The following UBE3C variants were observed in gnomAD, a reference collection of about 807,000 sequenced individuals.
UBE3C encodes ubiquitin-protein ligase E3C.
A neutral mutation model predicts 129.4 loss-of-function variants in UBE3C; 42 were observed. That is an observed-to-expected ratio of 0.32 (90% CI 0.25 to 0.42). UBE3C has a LOEUF of 0.42. Among genes scored for constraint, UBE3C ranks in the 10% least tolerant of loss-of-function variants. The probability of loss-of-function intolerance (pLI) is 1.00; values close to 1 mark genes in which losing one functional copy is unlikely to be tolerated. For missense variants in UBE3C, 1,049 were observed against 1,319.1 expected (o/e 0.80, Z 3.17); for synonymous variants, 510 against 492.4 (o/e 1.04, Z -0.47).
intron 1 of UBE3C, among the ~76,000 whole-genome samples, chr7:157,158,050 CTTTTTTTTTTTTT>C (rs60257662): frequency 2.0e-5 from 2 of 101,122 alleles, no homozygotes; most frequent in South Asian, 3.6e-4. Flanking sequence ...CTCTTTTTTC[CTTTTTTTTTTTTT>C]TTTTTTTTTC....
chr7:157,262,374 A>G lies in UBE3C; in HGVS notation c.3082-5211A>G, dbSNP rs114755897. On this transcript the variant is annotated intron_variant, in intron 22 of 22. Transcript: ENST00000348165. ...TTTAACAGTAAAGAGACCTACAAAGATCAGTAATAAGAATCATGTAAGTCT... is the reference window on the plus strand; with the variant it reads ...TTTAACAGTAAAGAGACCTACAAAGGTCAGTAATAAGAATCATGTAAGTCT... 4.4e-3 allele frequency among the ~76,000 whole-genome samples: 642 copies of G among 144,706 alleles called. 5 individuals carry two copies. Among genetic ancestry groups the G allele is most frequent in the African/African-American group, 0.015 (603 of 39,826 alleles). The allele number at this position is 144,706 out of a possible 152,430, so 94.9% of individuals were successfully genotyped here.
At chr7:157,170,955 T>TCCC (rs1808351576) in intron 4 of UBE3C, among the ~76,000 whole-genome samples, 1 of 151,540 alleles carries the variant, frequency 6.6e-6, no homozygotes, top group African/African-American at 2.4e-5. Flanking sequence ...TACAGGTGTG[T>TCCC]GTACACCTTG....
In UBE3C at chr7:157,245,057, AAATTT is replaced by A. The variant is rs1445851850; in HGVS notation, c.2482-3304_2482-3300del. 2.6e-5 allele frequency among the ~76,000 whole-genome samples: 4 copies of A among 152,338 alleles called. No homozygotes were observed. The South Asian group carries it at 6.2e-4, about 24-fold the overall frequency. Reference sequence around the variant, plus strand: ...TGTATCTCAGTTGCATACATTATGGAAATTTAATTTATAATCCATTTAGCTGATGC... The same window carrying A: ...TGTATCTCAGTTGCATACATTATGGAAATTTATAATCCATTTAGCTGATGC... On this transcript the variant is annotated intron_variant, in intron 18 of 22. Transcript: ENST00000348165.
intron 10 of UBE3C, chr7:157,198,195 T>C (rs1314511318): frequency 1.9e-6 from 3 of 1,586,724 alleles, no homozygotes; most frequent in South Asian, 1.1e-5. Context: ...ATTTTCTCCA[T>C]GCATATATTC....
At chr7:157,174,126 G>T (rs1161207862) in intron 4 of UBE3C, among the ~76,000 whole-genome samples, 1 of 152,170 alleles carries the variant, frequency 6.6e-6, no homozygotes, top group Non-Finnish European at 1.5e-5. Context: ...GCTTTGGGAG[G>T]CTGAGGTTGG....
intron 9 of UBE3C, among the ~76,000 whole-genome samples, chr7:157,186,460 A>G (rs1408092621): frequency 6.6e-6 from 1 of 152,114 alleles, no homozygotes; most frequent in East Asian, 1.9e-4. Flanking sequence ...ATTTTGCTTA[A>G]ACTGTGATCT....
chr7:157,239,107 A>G (rs545880586), intron 18 of UBE3C, among the ~76,000 whole-genome samples: 1 of 152,344 alleles, frequency 6.6e-6, no homozygotes, highest in East Asian at 1.9e-4. Flanking sequence ...AAATATCCAC[A>G]TCATATCACA....
intron 2 of UBE3C, 125 bp from the exon 3 acceptor site, chr7:157,168,923 T>C (rs1808292108): frequency 1.4e-6 from 1 of 702,718 alleles, no homozygotes; most frequent in African/African-American, 1.8e-5. Context: ...TGTTACCTTT[T>C]AAAGAATGAA....
intron 1 of UBE3C, among the ~76,000 whole-genome samples, chr7:157,149,217 C>G (rs906871978): frequency 6.6e-6 from 1 of 152,118 alleles, no homozygotes; most frequent in African/African-American, 2.4e-5. Context: ...CCACCACACC[C>G]AGCTAATTTT....
intron 1 of UBE3C, among the ~76,000 whole-genome samples, chr7:157,160,898 G>T (rs1808050654): frequency 6.6e-6 from 1 of 152,158 alleles, no homozygotes; most frequent in Non-Finnish European, 1.5e-5. Flanking sequence ...AGTCCATGAT[G>T]CGTGTTTGTG....
At position 157,181,505 on chromosome 7, in the gene UBE3C, T is replaced by A; in HGVS notation, c.617-13T>A. ...AAAGGCACTAAATTTTAAATATGTG[T>A]TTTTCCTTTTAGGGTATTATAGGTC... is the stretch of plus-strand genomic sequence containing the variant. On this transcript the variant is annotated splice_polypyrimidine_tract_variant and intron_variant, in intron 6 of 22. Transcript: ENST00000348165. 6.5e-7 allele frequency: 1 copy of A among 1,549,176 alleles called. No homozygotes were observed. The highest frequency in any genetic ancestry group is 2.4e-5 in the East Asian group (1 of 42,436).
intron 18 of UBE3C, among the ~76,000 whole-genome samples, chr7:157,239,609 C>T (rs559873407): frequency 1.3e-5 from 2 of 152,074 alleles, no homozygotes; most frequent in Non-Finnish European, 1.5e-5. Flanking sequence ...GAGGAAGGAT[C>T]GGAGAAGAAT....
At chr7:157,260,390 A>G (rs926938952) in intron 22 of UBE3C, among the ~76,000 whole-genome samples, 3 of 152,092 alleles carry the variant, frequency 2.0e-5, no homozygotes, top group African/African-American at 4.8e-5. Context: ...TCGTGTGTGA[A>G]GAAATAGATG....
chr7:157,245,946 G>A (rs527389498), intron 18 of UBE3C, among the ~76,000 whole-genome samples: 7 of 144,382 alleles, frequency 4.8e-5, no homozygotes, highest in East Asian at 2.1e-4. Context: ...AGCCGAGATC[G>A]TGCCACTGCA....
chr7:157,146,243 A>G (rs1402311370), intron 1 of UBE3C, among the ~76,000 whole-genome samples: 1 of 150,480 alleles, frequency 6.6e-6, no homozygotes, highest in East Asian at 1.9e-4. Context: ...TTATGGATCT[A>G]TTTCTTTTTT....
At chr7:157,250,736 G>C (rs573885273) in intron 19 of UBE3C, among the ~76,000 whole-genome samples, 2 of 152,224 alleles carry the variant, frequency 1.3e-5, no homozygotes, top group African/African-American at 2.4e-5. Flanking sequence ...TTGGCGGGGG[G>C]GCTGTTACTG....
At chr7:157,242,715 T>C (rs1310517532) in intron 18 of UBE3C, among the ~76,000 whole-genome samples, 1 of 151,992 alleles carries the variant, frequency 6.6e-6, no homozygotes, top group Non-Finnish European at 1.5e-5. Context: ...GGTTTCTGTG[T>C]TTTGGAGCCT....
At chr7:157,238,387 C>T (rs950021379) in intron 18 of UBE3C, among the ~76,000 whole-genome samples, 1 of 151,658 alleles carries the variant, frequency 6.6e-6, no homozygotes, top group Non-Finnish European at 1.5e-5. Flanking sequence ...GATGGAGTGT[C>T]ACATCGTTCA....
At chr7:157,217,201 T>C (rs1795604962) in intron 14 of UBE3C, 1 of 368,026 alleles carries the variant, frequency 2.7e-6, no homozygotes, top group Non-Finnish European at 4.9e-6. Context: ...TTTTCCTTTT[T>C]AACCTGAGAT....
Sources: gnomAD v4.1 joint callset for allele counts (sites outside exome capture counted in the v4.1 genomes callset) on GRCh38, gnomAD v4.1.1 for gene constraint, MANE v1.5 for transcripts, NCBI Gene and HGNC (gene_info 2026-07-23, HGNC 2026-07-21) for gene names.